Variants in ZNF536 observed in about 807,000 individuals in gnomAD.
ZNF536 encodes zinc finger protein 536.
Under a neutral mutation model 84.5 loss-of-function variants are expected in ZNF536, and 13 were observed. That is an observed-to-expected ratio of 0.15 (90% CI 0.10 to 0.24). The LOEUF (loss-of-function observed/expected upper bound fraction) is 0.24, where lower values mean the gene tolerates loss of function less well. Among genes scored for constraint, ZNF536 ranks in the 10% least tolerant of loss-of-function variants. ZNF536 has a pLI of 1.00. For synonymous variants in ZNF536, 811 were observed against 742.5 expected, an observed-to-expected ratio of 1.09 and a Z score of -1.50; for missense variants, 1,536 against 1,747.5, an observed-to-expected ratio of 0.88 and a Z score of 2.16.
intron 1 of ZNF536, among the ~76,000 whole-genome samples, chr19:30,266,945 G>A (rs1015097738): frequency 6.6e-6 from 1 of 152,178 alleles, no homozygotes; most frequent in Non-Finnish European, 1.5e-5. Flanking sequence ...CCGTTATAGA[G>A]GTGCAAATAT....
At chr19:30,693,985 C>A (rs186207194) in intron 1 of ZNF536, among the ~76,000 whole-genome samples, 13 of 152,240 alleles carry the variant, frequency 8.5e-5, no homozygotes, top group African/African-American at 3.1e-4. Context: ...CCCATATGGC[C>A]CCCCCAACCC....
At chr19:30,278,794 A>T (rs1375546548) in intron 1 of ZNF536, among the ~76,000 whole-genome samples, 1 of 152,128 alleles carries the variant, frequency 6.6e-6, no homozygotes, top group Non-Finnish European at 1.5e-5. Flanking sequence ...ACACACCTGC[A>T]GCAGCCTCCC....
At chr19:30,642,080 G>A (rs371995823) in intron 1 of ZNF536, among the ~76,000 whole-genome samples, 4 of 152,178 alleles carry the variant, frequency 2.6e-5, no homozygotes, top group African/African-American at 9.7e-5. Context: ...TGCTGATATG[G>A]CGTGGGTGTT....
chr19:30,296,544 G>A (rs1199895654), intron 2 of ZNF536, among the ~76,000 whole-genome samples: 6 of 152,176 alleles, frequency 3.9e-5, no homozygotes. Context: ...AACTAGCCGG[G>A]GTGAAGGGTG....
intron 1 of ZNF536, among the ~76,000 whole-genome samples, chr19:30,706,717 C>T (rs1403727259): frequency 6.6e-6 from 1 of 152,092 alleles, no homozygotes; most frequent in East Asian, 1.9e-4. Context: ...ACTCGAAAGA[C>T]TTGTCATACG....
At chr19:30,462,337 G>A (rs1220699177) in intron 2 of ZNF536, among the ~76,000 whole-genome samples, 2 of 151,848 alleles carry the variant, frequency 1.3e-5, no homozygotes, top group African/African-American at 4.8e-5. Context: ...TTGAATGTGT[G>A]TTGTGCATGT....
intron 1 of ZNF536, among the ~76,000 whole-genome samples, chr19:30,576,913 C>G (rs898957913): frequency 1.3e-5 from 2 of 152,198 alleles, no homozygotes; most frequent in Non-Finnish European, 2.9e-5. Flanking sequence ...CTCAGTTTCC[C>G]TGGTTCACAT....
rs2148216783 is a variant in ZNF536 at position 30,445,244 on chromosome 19, A to T, written c.1682A>T (p.Lys561Met). 7 of 1,614,212 alleles carry T rather than the reference A, an allele frequency of 4.3e-6. No homozygotes were observed. The highest frequency in any genetic ancestry group is 5.9e-6 in the Non-Finnish European group (7 of 1,180,046). Reference protein sequence around the residue: ...TLANAGVLFDKEKREYVLVGA... With the variant: ...TLANAGVLFDMEKREYVLVGA... ...GCAAACGCCGGGGTTCTGTTTGATAAGGAGAAGCGGGAGTACGTGTTAGTG... is the reference window on the plus strand; with the variant it reads ...GCAAACGCCGGGGTTCTGTTTGATATGGAGAAGCGGGAGTACGTGTTAGTG... Residue 561 changes from lysine (K) to methionine (M), a missense_variant, in exon 2 of 5, where the codon AAG (lysine) becomes ATG (methionine). By Grantham distance (95) the Lys-to-Met change is moderately conservative. This residue lies in a region of ZNF536 where 366 missense variants were observed against 364.4 expected (regional missense o/e 1.00). Transcript: ENST00000355537. This position sits in a 1 kb window ranked among gnomAD's most constrained non-coding sequence, Gnocchi z 4.5.
intron 2 of ZNF536, among the ~76,000 whole-genome samples, chr19:30,461,742 A>T (rs1206246070): frequency 6.6e-6 from 1 of 152,168 alleles, no homozygotes. Flanking sequence ...TCAGTTCCCC[A>T]GTCCCTTCTG....
intron 2 of ZNF536, among the ~76,000 whole-genome samples, chr19:30,523,686 A>AT (rs374794235): frequency 7.8e-4 from 114 of 146,636 alleles, no homozygotes; most frequent in Admixed American, 1.0e-3. Flanking sequence ...TCATACTCTG[A>AT]TTTTTTTTTT....
At position 30,312,955 on chromosome 19, in the gene ZNF536, G is replaced by A. The variant is rs557900011; in HGVS notation, c.-120+28814G>A. On this transcript the variant is annotated intron_variant, in intron 2 of 5. Transcript: ENST00000585628. ...CCTTTGCAGGGCAGGGCCTGCTTCAGTCCCCAGACATCATGATGGCCACAC... is the reference window on the plus strand; with the variant it reads ...CCTTTGCAGGGCAGGGCCTGCTTCAATCCCCAGACATCATGATGGCCACAC... Among the ~76,000 whole-genome samples, 18 of 152,348 alleles carry A rather than the reference G, an allele frequency of 1.2e-4. No homozygotes were observed. In the South Asian group the frequency reaches 3.5e-3, roughly 30 times the overall value.
At chr19:30,496,887 C>T (rs1460713056) in intron 2 of ZNF536, among the ~76,000 whole-genome samples, 2 of 152,206 alleles carry the variant, frequency 1.3e-5, no homozygotes, top group East Asian at 1.9e-4. Flanking sequence ...TTCTGTGTAA[C>T]GTGGTGCTGG....
intron 1 of ZNF536, among the ~76,000 whole-genome samples, chr19:30,246,294 T>C (rs973403442): frequency 6.6e-6 from 1 of 152,016 alleles, no homozygotes; most frequent in Non-Finnish European, 1.5e-5. Flanking sequence ...CTCGCGTATT[T>C]CTCCCCACAA....
intron 1 of ZNF536, among the ~76,000 whole-genome samples, chr19:30,392,412 C>T (rs529159144): frequency 3.9e-5 from 6 of 152,252 alleles, no homozygotes; most frequent in South Asian, 4.1e-4. Flanking sequence ...GTGGAGACAA[C>T]GCCAGGGTAG....
chr19:30,604,202 A>G (rs188168866), intron 1 of ZNF536, among the ~76,000 whole-genome samples: 27 of 152,344 alleles, frequency 1.8e-4, no homozygotes, highest in African/African-American at 5.8e-4. Flanking sequence ...GTACTGAATG[A>G]CTGGTAAGAT....
At chr19:30,559,523 T>G (rs945905260), downstream of ZNF536, among the ~76,000 whole-genome samples, 12 of 152,322 alleles carry the variant, frequency 7.9e-5, no homozygotes, top group African/African-American at 2.9e-4. Flanking sequence ...TCTCGGGGCC[T>G]CTGTCCAGGG....
intron 2 of ZNF536, among the ~76,000 whole-genome samples, chr19:30,454,682 C>T (rs2052755331): frequency 6.6e-6 from 1 of 152,180 alleles, no homozygotes; most frequent in African/African-American, 2.4e-5. Flanking sequence ...GTGTTCATGT[C>T]CGTCTCTGGC....
At chr19:30,422,801 C>A (rs1441314696) in intron 1 of ZNF536, among the ~76,000 whole-genome samples, 1 of 150,216 alleles carries the variant, frequency 6.7e-6, no homozygotes, top group Non-Finnish European at 1.5e-5. Context: ...CATCCACCAC[C>A]CACCCATCCC....
intron 1 of ZNF536, among the ~76,000 whole-genome samples, chr19:30,698,765 C>A (rs748030463): frequency 6.6e-6 from 1 of 152,196 alleles, no homozygotes; most frequent in Non-Finnish European, 1.5e-5. Flanking sequence ...GGTTTCTCCA[C>A]GGAAGTTACT....
Sources: gnomAD v4.1 joint callset for allele counts (sites outside exome capture counted in the v4.1 genomes callset) on GRCh38, gnomAD v4.1.1 for gene constraint, gnomAD v4.1.1 regional missense constraint, Gnocchi (gnomAD v3.1) non-coding constraint, MANE v1.5 for transcripts, NCBI Gene and HGNC (gene_info 2026-07-23, HGNC 2026-07-21) for gene names.